FRMD3: variants seen among roughly 807,000 people sequenced by gnomAD.
The protein encoded by FRMD3 is FERM domain-containing protein 3.
FRMD3 carries 33 observed loss-of-function variants against 70.2 expected under a neutral mutation model. The ratio of observed to expected loss-of-function variants is 0.47; its 90% CI spans 0.36 to 0.63. FRMD3 has a LOEUF of 0.63. Ranked by LOEUF, FRMD3 falls within the 20% of genes least tolerant of loss-of-function variation. FRMD3 has a pLI of 0.00. For synonymous variants in FRMD3, 279 were observed against 255.9 expected (o/e 1.09, Z -0.86); for missense variants, 632 against 711.4 (o/e 0.89, Z 1.27).
intron 3 of FRMD3, among the ~76,000 whole-genome samples, chr9:83,363,771 G>T (rs1032442113): frequency 2.0e-5 from 3 of 152,072 alleles, no homozygotes; most frequent in Non-Finnish European, 2.9e-5. Context: ...AGCCAGGATG[G>T]TCTCGATCTC....
chr9:83,332,138 A>C (rs1159461828), intron 6 of FRMD3, among the ~76,000 whole-genome samples: 2 of 152,224 alleles, frequency 1.3e-5, no homozygotes, highest in African/African-American at 4.8e-5. Context: ...TTGTTTCCTC[A>C]GCAAAATCTA....
chr9:83,300,829 G>A (rs1834893707), intron 10 of FRMD3, among the ~76,000 whole-genome samples: 1 of 152,058 alleles, frequency 6.6e-6, no homozygotes, highest in African/African-American at 2.4e-5. Flanking sequence ...GGAGAATAAG[G>A]CAAACTTGGA....
chr9:83,532,336 G>C (rs1283742897), intron 1 of FRMD3, among the ~76,000 whole-genome samples: 1 of 152,104 alleles, frequency 6.6e-6, no homozygotes, highest in Non-Finnish European at 1.5e-5. Context: ...CTGCTATAGA[G>C]AGCTGTGCCT....
intron 12 of FRMD3, among the ~76,000 whole-genome samples, chr9:83,295,820 T>C (rs1166054546): frequency 6.6e-6 from 1 of 152,206 alleles, no homozygotes; most frequent in Non-Finnish European, 1.5e-5. Flanking sequence ...AGGCAGATGA[T>C]TGTCACCCAG....
chr9:83,453,873 G>A (rs373038258), intron 1 of FRMD3, among the ~76,000 whole-genome samples: 5 of 151,714 alleles, frequency 3.3e-5, no homozygotes, highest in Admixed American at 6.6e-5. Context: ...CTGCCACCAC[G>A]CCTGGCTAAT....
intron 1 of FRMD3, among the ~76,000 whole-genome samples, chr9:83,476,811 G>C (rs1209237005): frequency 6.6e-6 from 1 of 152,076 alleles, no homozygotes; most frequent in East Asian, 1.9e-4. Flanking sequence ...CGAGATCAAG[G>C]CTCCTTATCA....
chr9:83,363,639 C>T (rs1288227028), intron 3 of FRMD3, among the ~76,000 whole-genome samples: 2 of 150,010 alleles, frequency 1.3e-5, no homozygotes, highest in African/African-American at 4.9e-5. Context: ...CTGCAGGCTC[C>T]GCCCCCCGGG....
At chr9:83,534,584 C>T (rs1025680356) in intron 1 of FRMD3, among the ~76,000 whole-genome samples, 3 of 152,166 alleles carry the variant, frequency 2.0e-5, no homozygotes, top group Non-Finnish European at 4.4e-5. Flanking sequence ...CACCATCACA[C>T]CCTCTAATCA....
At chr9:83,578,103 C>T in the FRMD3 span, among the ~76,000 whole-genome samples, 4 of 151,548 alleles carry the variant, frequency 2.6e-5, no homozygotes, top group East Asian at 3.9e-4. Context: ...TAGACACAAA[C>T]GGCCTGCCAA....
At chr9:83,362,308 G>A (rs146141235) in intron 3 of FRMD3, among the ~76,000 whole-genome samples, 1 of 152,272 alleles carries the variant, frequency 6.6e-6, no homozygotes, top group Non-Finnish European at 1.5e-5. Flanking sequence ...GCTAATGAAT[G>A]AGACATAAAC....
chr9:83,376,890 T>G (rs1320302610), intron 2 of FRMD3, among the ~76,000 whole-genome samples: 3 of 152,178 alleles, frequency 2.0e-5, no homozygotes, highest in Admixed American at 2.0e-4. Flanking sequence ...CAACAAGCAA[T>G]GAGCATGGTA....
At chr9:83,298,194 G>A (rs184415247) in intron 12 of FRMD3, among the ~76,000 whole-genome samples, 10 of 152,342 alleles carry the variant, frequency 6.6e-5, no homozygotes, top group African/African-American at 2.4e-4. Flanking sequence ...GATGGGCAAT[G>A]ATTTGTGTAA....
chr9:83,403,068 T>A (rs530089301), intron 1 of FRMD3, among the ~76,000 whole-genome samples: 4 of 151,946 alleles, frequency 2.6e-5, no homozygotes, highest in African/African-American at 9.7e-5. Flanking sequence ...CATGCCCAGA[T>A]AATTTTTGTA....
chr9:83,500,541 A>ACAC (rs1564106270), intron 1 of FRMD3, among the ~76,000 whole-genome samples: 1 of 78,392 alleles, frequency 1.3e-5, no homozygotes, highest in Non-Finnish European at 3.0e-5. Flanking sequence ...CACACACACA[A>ACAC]TGTCAATATT....
At chr9:83,366,390 A>G (rs986589027) in intron 3 of FRMD3, among the ~76,000 whole-genome samples, 15 of 151,952 alleles carry the variant, frequency 9.9e-5, no homozygotes, top group African/African-American at 2.7e-4. Flanking sequence ...GACCAACATG[A>G]TGAAACCCCA....
chr9:83,568,860 C>A, the FRMD3 span, among the ~76,000 whole-genome samples: 1 of 151,650 alleles, frequency 6.6e-6, no homozygotes, highest in Non-Finnish European at 1.5e-5. Context: ...CCACATTGAT[C>A]TATATCAAAA....
intron 1 of FRMD3, among the ~76,000 whole-genome samples, chr9:83,448,824 T>A (rs1827556463): frequency 6.6e-6 from 1 of 152,230 alleles, no homozygotes; most frequent in Non-Finnish European, 1.5e-5. Context: ...TGACCAACAG[T>A]TACCTCTTCG....
intron 1 of FRMD3, among the ~76,000 whole-genome samples, chr9:83,408,258 G>A (rs546504495): frequency 7.9e-5 from 12 of 152,294 alleles, no homozygotes; most frequent in African/African-American, 2.9e-4. Flanking sequence ...AGATTAAAAC[G>A]AAGAAAGGAA....
upstream of FRMD3, among the ~76,000 whole-genome samples, chr9:83,540,488 T>C (rs995227660): frequency 2.6e-5 from 4 of 152,100 alleles, no homozygotes; most frequent in Non-Finnish European, 4.4e-5. Context: ...CTGAGATTGG[T>C]TGTCTGGCCT....
Sources: allele counts gnomAD v4.1 joint callset (sites outside exome capture counted in the v4.1 genomes callset), GRCh38; gene constraint gnomAD v4.1.1; transcripts MANE v1.5; gene names NCBI Gene and HGNC (gene_info 2026-07-23, HGNC 2026-07-21).